The following ROR1 variants were observed in gnomAD, a reference collection of about 807,000 sequenced individuals.
The protein encoded by ROR1 is ROR family WNT receptor 1.
Under a neutral mutation model 78.8 loss-of-function variants are expected in ROR1, and 19 were observed. The observed-to-expected ratio is 0.24, with a 90% CI of 0.17 to 0.35. The LOEUF is 0.35. ROR1 is among the 10% of genes least tolerant of loss of function. ROR1 has a pLI of 1.00. For synonymous variants in ROR1, 386 were observed against 433.6 expected (o/e 0.89, Z 1.36); for missense variants, 917 against 1,177.8 (o/e 0.78, Z 3.24).
chr1:63,786,341 C>G (rs1256163398), intron 1 of ROR1, among the ~76,000 whole-genome samples: 2 of 131,278 alleles, frequency 1.5e-5, no homozygotes, highest in African/African-American at 5.5e-5. Flanking sequence ...GGCACAATCT[C>G]TGCTCACTGC....
chr1:63,866,906 T>C (rs975347501), intron 1 of ROR1, among the ~76,000 whole-genome samples: 7 of 152,242 alleles, frequency 4.6e-5, no homozygotes, highest in Non-Finnish European at 8.8e-5. Context: ...AGGTTTTTTT[T>C]TTCCCTAAGA....
chr1:63,989,462 G>A (rs1235973638), intron 1 of ROR1, among the ~76,000 whole-genome samples: 1 of 151,950 alleles, frequency 6.6e-6, no homozygotes, highest in Non-Finnish European at 1.5e-5. Flanking sequence ...TAAATTTAGG[G>A]CTACTCTGAT....
intron 1 of ROR1, among the ~76,000 whole-genome samples, chr1:63,944,885 G>A (rs967670485): frequency 3.3e-5 from 5 of 152,124 alleles, no homozygotes; most frequent in Non-Finnish European, 7.4e-5. Flanking sequence ...TTTTCCCACA[G>A]GGGTGTTATA....
At chr1:64,046,396 T>C (rs1646783511) in intron 2 of ROR1, among the ~76,000 whole-genome samples, 1 of 152,234 alleles carries the variant, frequency 6.6e-6, no homozygotes, top group Admixed American at 6.5e-5. Flanking sequence ...GTGGCAAGGC[T>C]CCTTTGTTCA....
chr1:63,934,223 G>A (rs1179482776), intron 1 of ROR1, among the ~76,000 whole-genome samples: 2 of 152,144 alleles, frequency 1.3e-5, no homozygotes. Flanking sequence ...CCGGTATGGA[G>A]CAAGAGGCCT....
At chr1:64,142,908 G>A (rs1649366264) in intron 7 of ROR1, 2 of 1,317,594 alleles carry the variant, frequency 1.5e-6, no homozygotes, top group Non-Finnish European at 1.9e-6. Flanking sequence ...CAGCCCTTCA[G>A]AGGCACAGTT....
intron 1 of ROR1, chr1:63,843,534 G>A: frequency 1.3e-6 from 1 of 747,820 alleles, no homozygotes; most frequent in Non-Finnish European, 2.4e-6. Context: ...GATCTTCTTG[G>A]TCTCCTCCAG....
intron 3 of ROR1, 49 bp from the exon 4 acceptor site, chr1:64,050,637 C>G: frequency 6.4e-7 from 1 of 1,572,096 alleles, no homozygotes; most frequent in African/African-American, 1.3e-5. Flanking sequence ...TACTCACCCT[C>G]CAATAACCTA....
At chr1:64,089,600 A>T (rs1647179562) in intron 4 of ROR1, among the ~76,000 whole-genome samples, 1 of 152,202 alleles carries the variant, frequency 6.6e-6, no homozygotes, top group Admixed American at 6.5e-5. Flanking sequence ...GGACACATTG[A>T]ACTCCTTTTT....
intron 4 of ROR1, among the ~76,000 whole-genome samples, chr1:64,135,564 A>G (rs1026088743): frequency 6.6e-6 from 1 of 152,148 alleles, no homozygotes; most frequent in African/African-American, 2.4e-5. Context: ...TCCAAGATCC[A>G]AGTGTGGGTC....
At chr1:63,813,399 A>G (rs1644872046) in intron 1 of ROR1, among the ~76,000 whole-genome samples, 1 of 152,208 alleles carries the variant, frequency 6.6e-6, no homozygotes, top group Non-Finnish European at 1.5e-5. Context: ...TTCAATAAAT[A>G]TTGATTGAAT....
At chr1:63,910,884 G>T (rs1430197015) in intron 1 of ROR1, among the ~76,000 whole-genome samples, 1 of 152,176 alleles carries the variant, frequency 6.6e-6, no homozygotes, top group Non-Finnish European at 1.5e-5. Context: ...CCCTGAAAAA[G>T]ATGTGGCCAC....
intron 1 of ROR1, among the ~76,000 whole-genome samples, chr1:63,943,422 T>C (rs1375386859): frequency 6.6e-6 from 1 of 152,142 alleles, no homozygotes; most frequent in Non-Finnish European, 1.5e-5. Context: ...TGGATACAGC[T>C]CAGGGCAAGC....
At chr1:63,993,438 C>T (rs1206366426) in intron 1 of ROR1, among the ~76,000 whole-genome samples, 1 of 152,180 alleles carries the variant, frequency 6.6e-6, no homozygotes, top group East Asian at 1.9e-4. Flanking sequence ...AGTTCCCCTT[C>T]TCTGGTGTAG....
intron 1 of ROR1, among the ~76,000 whole-genome samples, chr1:63,932,424 C>T (rs1357760049): frequency 2.6e-5 from 4 of 152,120 alleles, no homozygotes; most frequent in Non-Finnish European, 5.9e-5. Flanking sequence ...TCCCTTCCTT[C>T]AGCCCATCTT....
intron 7 of ROR1, among the ~76,000 whole-genome samples, chr1:64,150,779 T>C (rs993390503): frequency 1.3e-5 from 2 of 152,236 alleles, no homozygotes; most frequent in African/African-American, 4.8e-5. Flanking sequence ...AGAACAATAG[T>C]GACCCAAAAC....
chr1:63,793,389 G>A (rs976119033), intron 1 of ROR1, among the ~76,000 whole-genome samples: 5 of 152,176 alleles, frequency 3.3e-5, no homozygotes, highest in Non-Finnish European at 7.3e-5. Context: ...AGCTAGAAGA[G>A]AATAATTAGA....
chr1:63,799,778 A>G (rs1644784534), intron 1 of ROR1, among the ~76,000 whole-genome samples: 1 of 152,182 alleles, frequency 6.6e-6, no homozygotes, highest in Non-Finnish European at 1.5e-5. Flanking sequence ...TTCAGTGTTC[A>G]GCACATTGAG....
chr1:64,015,228 C>T (rs74737950), intron 2 of ROR1, among the ~76,000 whole-genome samples: 7,540 of 152,198 alleles, frequency 0.05, 248 homozygotes, highest in Non-Finnish European at 0.078. Flanking sequence ...GTTCCTCCCA[C>T]GTCACATAGG....
Sources: gnomAD v4.1 joint callset for allele counts (sites outside exome capture counted in the v4.1 genomes callset) on GRCh38, gnomAD v4.1.1 for gene constraint, MANE v1.5 for transcripts, NCBI Gene and HGNC (gene_info 2026-07-23, HGNC 2026-07-21) for gene names.